The following MARCHF1 variants were observed in gnomAD, a reference collection of about 807,000 sequenced individuals.
MARCHF1 encodes E3 ubiquitin-protein ligase MARCHF1.
A neutral mutation model predicts 54.2 loss-of-function variants in MARCHF1; 40 were observed. The ratio of observed to expected loss-of-function variants is 0.74; its 90% CI spans 0.57 to 0.96. The LOEUF is 0.96. Among genes scored for constraint, MARCHF1 ranks in the 40% least tolerant of loss-of-function variants. The probability of loss-of-function intolerance (pLI) is 0.00; values close to 1 mark genes in which losing one functional copy is unlikely to be tolerated. For synonymous variants in MARCHF1, 236 were observed against 236.3 expected, an observed-to-expected ratio of 1.00 and a Z score of 0.01; for missense variants, 586 against 656.5, an observed-to-expected ratio of 0.89 and a Z score of 1.17.
At chr4:164,307,520 C>T (rs17044891) in intron 1 of MARCHF1, among the ~76,000 whole-genome samples, 3,451 of 152,308 alleles carry the variant, frequency 0.023, 116 homozygotes, top group African/African-American at 0.079. Flanking sequence ...AATCCTTGTG[C>T]TATCTCAGCT....
At chr4:163,553,067 T>A (rs1739169149) in intron 8 of MARCHF1, among the ~76,000 whole-genome samples, 1 of 148,040 alleles carries the variant, frequency 6.8e-6, no homozygotes, top group South Asian at 2.2e-4. Flanking sequence ...ATGAGCGCTC[T>A]GGGTTCAAAT....
At chr4:163,984,725 A>T (rs1194466816) in intron 3 of MARCHF1, among the ~76,000 whole-genome samples, 2 of 152,216 alleles carry the variant, frequency 1.3e-5, no homozygotes, top group East Asian at 3.8e-4. Flanking sequence ...TAAGAGACAG[A>T]TGTCTTTTAG....
At chr4:163,916,769 T>C (rs1751316966) in intron 3 of MARCHF1, among the ~76,000 whole-genome samples, 1 of 152,098 alleles carries the variant, frequency 6.6e-6, no homozygotes, top group South Asian at 2.1e-4. Flanking sequence ...CCCCCACAGA[T>C]GTACAGCCAC....
chr4:163,608,304 G>T (rs185580876), intron 7 of MARCHF1, among the ~76,000 whole-genome samples: 41 of 152,184 alleles, frequency 2.7e-4, no homozygotes, highest in Admixed American at 1.6e-3. Flanking sequence ...ATCCAAGGAG[G>T]TAAGGTAAAG....
chr4:164,058,902 T>G (rs1457699887), intron 2 of MARCHF1, among the ~76,000 whole-genome samples: 2 of 152,216 alleles, frequency 1.3e-5, no homozygotes, highest in Non-Finnish European at 2.9e-5. Context: ...AATTGTGTAT[T>G]CAGAGATGTT....
At chr4:163,920,611 T>C (rs1280551525) in intron 3 of MARCHF1, among the ~76,000 whole-genome samples, 2 of 152,144 alleles carry the variant, frequency 1.3e-5, no homozygotes, top group African/African-American at 2.4e-5. Context: ...CAGGGAGAAC[T>C]CCTGTGCGCT....
At chr4:164,220,641 A>ATATATGCATATATGTAATATATATGC (rs1732077532) in intron 1 of MARCHF1, among the ~76,000 whole-genome samples, 2 of 144,740 alleles carry the variant, frequency 1.4e-5, no homozygotes, top group South Asian at 2.2e-4. Flanking sequence ...TATATATGCT[A>ATATATGCATATATGTAATATATATGC]TATATGCATA....
At chr4:164,035,405 A>G (rs1349191409) in intron 2 of MARCHF1, among the ~76,000 whole-genome samples, 1 of 151,938 alleles carries the variant, frequency 6.6e-6, no homozygotes, top group Non-Finnish European at 1.5e-5. Flanking sequence ...AAAGAATAAC[A>G]GTCACTACCC....
At chr4:163,743,870 T>A (rs1463207010) in intron 4 of MARCHF1, among the ~76,000 whole-genome samples, 1 of 152,188 alleles carries the variant, frequency 6.6e-6, no homozygotes, top group African/African-American at 2.4e-5. Flanking sequence ...AAAAAATAAA[T>A]ACCCAGAAAT....
intron 1 of MARCHF1, among the ~76,000 whole-genome samples, chr4:164,308,254 C>T (rs980219102): frequency 6.6e-6 from 1 of 152,120 alleles, no homozygotes; most frequent in African/African-American, 2.4e-5. Flanking sequence ...TAAAACCTAG[C>T]ATTGAATGTG....
intron 5 of MARCHF1, among the ~76,000 whole-genome samples, chr4:163,621,249 A>G (rs1290589801): frequency 6.6e-6 from 1 of 152,194 alleles, no homozygotes; most frequent in Admixed American, 6.5e-5. Context: ...GTTCAGAAGG[A>G]AGACACATAA....
At chr4:164,248,692 T>A (rs375917226) in intron 1 of MARCHF1, among the ~76,000 whole-genome samples, 2 of 152,098 alleles carry the variant, frequency 1.3e-5, no homozygotes, top group Admixed American at 6.6e-5. Context: ...AGGGATAAGT[T>A]GTTCAATGTT....
intron 9 of MARCHF1, among the ~76,000 whole-genome samples, chr4:163,542,750 T>C (rs761218487): frequency 6.6e-6 from 1 of 152,162 alleles, no homozygotes; most frequent in African/African-American, 2.4e-5. Context: ...AGGTTAAAAA[T>C]ATGCATTTCT....
intron 2 of MARCHF1, among the ~76,000 whole-genome samples, chr4:163,996,816 A>G (rs1014547301): frequency 2.6e-5 from 4 of 152,012 alleles, no homozygotes; most frequent in African/African-American, 9.7e-5. Context: ...CCATGTGAAG[A>G]CTGGAGTTAC....
chr4:164,196,576 T>G (rs1455310986), intron 1 of MARCHF1, among the ~76,000 whole-genome samples: 1 of 152,148 alleles, frequency 6.6e-6, no homozygotes, highest in East Asian at 1.9e-4. Context: ...CTCTTTTTGT[T>G]AAATCCTGGA....
intron 1 of MARCHF1, among the ~76,000 whole-genome samples, chr4:164,213,203 T>TTTTTTATTATTA (rs1385312781): frequency 1.4e-5 from 2 of 141,782 alleles, no homozygotes; most frequent in Non-Finnish European, 3.1e-5. Context: ...GGCTTTTACT[T>TTTTTTATTATTA]TTATTATTAT....
chr4:163,961,713 A>C (rs1391687486), intron 3 of MARCHF1, among the ~76,000 whole-genome samples: 1 of 151,914 alleles, frequency 6.6e-6, no homozygotes, highest in Non-Finnish European at 1.5e-5. Context: ...CTAAAATTTT[A>C]TGTAACTTCT....
At chr4:163,766,949 A>G (rs191048089) in intron 4 of MARCHF1, among the ~76,000 whole-genome samples, 288 of 152,254 alleles carry the variant, frequency 1.9e-3, no homozygotes, top group Non-Finnish European at 3.2e-3. Context: ...AACTCCAGTC[A>G]ATACCTATAT....
chr4:164,305,564 C>A (rs1293748266), intron 1 of MARCHF1, among the ~76,000 whole-genome samples: 1 of 151,974 alleles, frequency 6.6e-6, no homozygotes, highest in Non-Finnish European at 1.5e-5. Context: ...TGTAAGTATT[C>A]TTTTCTTCAA....
Sources: gnomAD v4.1 joint callset for allele counts (sites outside exome capture counted in the v4.1 genomes callset) on GRCh38, gnomAD v4.1.1 for gene constraint, MANE v1.5 for transcripts, NCBI Gene and HGNC (gene_info 2026-07-23, HGNC 2026-07-21) for gene names.